The following XCR1 variants were observed in gnomAD, a reference collection of about 807,000 sequenced individuals.
The protein encoded by XCR1 is chemokine XC receptor 1.
For missense variants in XCR1, 356 were observed against 424.2 expected, an observed-to-expected ratio of 0.84 and a Z score of 1.41; for synonymous variants, 187 against 188.5, an observed-to-expected ratio of 0.99 and a Z score of 0.06.
At chr3:46,076,096 A>T (rs938942003) in intron 2 of XCR1, among the ~76,000 whole-genome samples, 1 of 152,224 alleles carries the variant, frequency 6.6e-6, no homozygotes, top group African/African-American at 2.4e-5. Flanking sequence ...GGCCACCAAG[A>T]TTTTTTAACA....
intron 5 of XCR1, among the ~76,000 whole-genome samples, chr3:46,036,835 T>G (rs1697439514): frequency 6.6e-6 from 1 of 152,202 alleles, no homozygotes; most frequent in South Asian, 2.1e-4. Context: ...CTTAAAGTTC[T>G]TATTTAGGTA....
chr3:46,048,897 C>A (rs563992256), intron 5 of XCR1, among the ~76,000 whole-genome samples: 9 of 152,258 alleles, frequency 5.9e-5, no homozygotes, highest in African/African-American at 2.2e-4. Flanking sequence ...GTTTGATGTG[C>A]CTGCTCTATA....
intron 5 of XCR1, among the ~76,000 whole-genome samples, chr3:46,041,458 G>C (rs757217682): frequency 9.2e-5 from 14 of 152,174 alleles, no homozygotes; most frequent in Non-Finnish European, 1.9e-4. Flanking sequence ...TTGTGTTTCA[G>C]ATGAAAACTC....
intron 5 of XCR1, among the ~76,000 whole-genome samples, chr3:46,046,541 T>C (rs1355410770): frequency 1.3e-5 from 2 of 152,244 alleles, no homozygotes; most frequent in East Asian, 1.9e-4. Context: ...TCCAGTGGAA[T>C]GCTGAGTTGG....
chr3:46,023,584 C>T (rs1708215065), intron 1 of XCR1: 2 of 1,391,988 alleles, frequency 1.4e-6, no homozygotes, highest in Non-Finnish European at 2.0e-6. Context: ...TGTAGCTGCC[C>T]ATCTTCAGGC....
At chr3:46,023,761 A>G in intron 1 of XCR1, 2 of 1,547,106 alleles carry the variant, frequency 1.3e-6, no homozygotes, top group Non-Finnish European at 1.8e-6. Context: ...AGAGCCATGT[A>G]TTGGAAGCAA....
chr3:46,038,034 T>TG (rs1553632505), intron 5 of XCR1, among the ~76,000 whole-genome samples: 1 of 149,696 alleles, frequency 6.7e-6, no homozygotes, highest in South Asian at 2.1e-4. Context: ...TTTTTTGTTT[T>TG]TTTTTTTTTT....
rs1708074725 is a variant in XCR1 at position 46,017,950 on chromosome 3, T to C, written c.*2996A>G. ...GGTCAGGGACAGACAGCGTGGCTCA[T>C]GGTGTGCAACTCTCTGGAAACTCCT... On this transcript the variant is annotated 3_prime_UTR_variant, in exon 2 of 2. Transcript: ENST00000309285. 1 of 152,294 alleles carries C rather than the reference T, an allele frequency of 6.6e-6. No individual in the cohort carries two copies. The highest frequency in any genetic ancestry group is 1.5e-5 in the Non-Finnish European group (1 of 68,118). 9.4% of individuals were successfully genotyped at this position (152,294 alleles called of 1,614,324 possible).
intron 5 of XCR1, among the ~76,000 whole-genome samples, chr3:46,041,090 T>C (rs1697530827): frequency 6.6e-6 from 1 of 152,238 alleles, no homozygotes; most frequent in African/African-American, 2.4e-5. Context: ...TATAGTTTTA[T>C]AAACAGAATT....
At chr3:46,030,167 G>A (rs1034117525), upstream of XCR1, among the ~76,000 whole-genome samples, 2 of 151,770 alleles carry the variant, frequency 1.3e-5, no homozygotes, top group Non-Finnish European at 2.9e-5. Context: ...TCCCCCCACC[G>A]TGTTTAGTTG....
At chr3:46,085,750 G>A (rs979415617) in intron 1 of XCR1, among the ~76,000 whole-genome samples, 4 of 152,192 alleles carry the variant, frequency 2.6e-5, no homozygotes, top group Admixed American at 2.0e-4. Flanking sequence ...TCCCTCTTGA[G>A]CTACAGATCT....
At position 46,019,013 on chromosome 3, in the gene XCR1, T is replaced by C. The variant is rs957672107; in HGVS notation, c.*1933A>G. On this transcript the variant is annotated 3_prime_UTR_variant, in exon 2 of 2. Coordinates refer to ENST00000309285, the MANE Select transcript of XCR1 (RefSeq NM_001024644.2). ...AGATTGGGCCCAGGTCTTTGTGGCA[T>C]GGCAAAGTTTAGAGAGTGGCTTTTA... 2 of 152,182 alleles carry C rather than the reference T, an allele frequency of 1.3e-5. No individual in the cohort carries two copies. Among genetic ancestry groups the C allele is most frequent in the Non-Finnish European group, 1.5e-5 (1 of 68,050 alleles). The allele number at this position is 152,182 out of a possible 1,614,324, so 9.4% of individuals were successfully genotyped here.
chr3:46,035,147 G>T (rs746057743), intron 5 of XCR1, among the ~76,000 whole-genome samples: 10 of 152,130 alleles, frequency 6.6e-5, no homozygotes, highest in Non-Finnish European at 1.3e-4. Flanking sequence ...TAGAGATGGG[G>T]TTTCACCATG....
rs147328871 is a variant in XCR1 at position 46,023,100 on chromosome 3, G to A, written c.-31-1122C>T. ...TGGAAATAATTTTAAAAACACCAGCGCGTGTGACGTCATGGCGCCGTGCGG... is the reference window on the plus strand; with the variant it reads ...TGGAAATAATTTTAAAAACACCAGCACGTGTGACGTCATGGCGCCGTGCGG... On this transcript the variant is annotated intron_variant, in intron 1 of 1. Coordinates refer to ENST00000309285, the MANE Select transcript of XCR1 (RefSeq NM_001024644.2). Among the ~76,000 whole-genome samples the A allele has an allele frequency of 3.0e-3, 453 of 152,308 alleles. 2 individuals carry two copies. Among genetic ancestry groups the A allele is most frequent in the African/African-American group, 0.01 (431 of 41,580 alleles).
At chr3:46,042,874 A>T (rs1697560185) in intron 5 of XCR1, among the ~76,000 whole-genome samples, 1 of 152,216 alleles carries the variant, frequency 6.6e-6, no homozygotes, top group African/African-American at 2.4e-5. Flanking sequence ...CAAGAAAAGA[A>T]AACTGAAGTC....
intron 2 of XCR1, among the ~76,000 whole-genome samples, chr3:46,076,577 GAAA>G (rs3053293): frequency 1.9e-3 from 259 of 135,844 alleles, no homozygotes; most frequent in East Asian, 0.011. Context: ...CCATTATTTT[GAAA>G]AAAAAAAAAA....
chr3:46,029,451 T>C (rs566861466), upstream of XCR1, among the ~76,000 whole-genome samples: 5 of 152,266 alleles, frequency 3.3e-5, no homozygotes, highest in East Asian at 9.6e-4. Context: ...TGCCTCAGCC[T>C]CCCAAAGTGC....
At chr3:46,050,242 C>T (rs35435608) in intron 5 of XCR1, among the ~76,000 whole-genome samples, 7 of 151,930 alleles carry the variant, frequency 4.6e-5, no homozygotes, top group Non-Finnish European at 7.4e-5. Context: ...ATTGCTGCAG[C>T]GAATTTAAAG....
intron 4 of XCR1, among the ~76,000 whole-genome samples, chr3:46,055,745 A>G (rs1179912489): frequency 6.6e-6 from 1 of 152,204 alleles, no homozygotes; most frequent in Non-Finnish European, 1.5e-5. Flanking sequence ...CGTAATTTCA[A>G]GGTACCTTGA....
Sources: gnomAD v4.1 joint callset for allele counts (sites outside exome capture counted in the v4.1 genomes callset) on GRCh38, gnomAD v4.1.1 for gene constraint, MANE v1.5 for transcripts, NCBI Gene and HGNC (gene_info 2026-07-23, HGNC 2026-07-21) for gene names.